The following ACSL3 variants were observed in gnomAD, a reference collection of about 807,000 sequenced individuals.
ACSL3 encodes the protein fatty acid CoA ligase Acsl3.
ACSL3 carries 34 observed loss-of-function variants against 84.7 expected under a neutral mutation model. The observed-to-expected ratio is 0.40, with a 90% CI of 0.31 to 0.53. The LOEUF (loss-of-function observed/expected upper bound fraction) is 0.53, where lower values mean the gene tolerates loss of function less well. Ranked by LOEUF, ACSL3 falls within the 20% of genes least tolerant of loss-of-function variation. The pLI is 0.48. For missense variants in ACSL3, 680 were observed against 873.1 expected (o/e 0.78, Z 2.79); for synonymous variants, 315 against 299.4 (o/e 1.05, Z -0.54).
intron 7 of ACSL3, chr2:222,920,991 G>A: frequency 3.8e-6 from 2 of 528,186 alleles, no homozygotes; most frequent in South Asian, 3.1e-5. Flanking sequence ...ACTCTACAGA[G>A]ACGGTCTCCA....
intron 13 of ACSL3, among the ~76,000 whole-genome samples, chr2:222,930,345 AT>A (rs147377843): frequency 0.023 from 3,473 of 152,276 alleles, 127 homozygotes; most frequent in African/African-American, 0.076. Flanking sequence ...TGTCTCTTGT[AT>A]TTATAATTTT....
At chr2:222,930,081 A>G (rs1232714237) in intron 13 of ACSL3, among the ~76,000 whole-genome samples, 1 of 151,694 alleles carries the variant, frequency 6.6e-6, no homozygotes, top group Non-Finnish European at 1.5e-5. Flanking sequence ...GGTGTGCGCC[A>G]CCATGCCCGA....
chr2:222,885,377 G>T (rs1384219459), intron 1 of ACSL3, among the ~76,000 whole-genome samples: 1 of 151,908 alleles, frequency 6.6e-6, no homozygotes, highest in African/African-American at 2.4e-5. Flanking sequence ...GCCAACACTT[G>T]TGAATTTTTT....
At chr2:222,866,847 T>A (rs1040758720) in intron 1 of ACSL3, among the ~76,000 whole-genome samples, 2 of 134,016 alleles carry the variant, frequency 1.5e-5, no homozygotes, top group African/African-American at 2.7e-5. Context: ...TTTCTTTTTT[T>A]TTTTTGAGAC....
intron 3 of ACSL3, 42 bp from the exon 4 acceptor site, chr2:222,908,690 TA>T: frequency 1.5e-6 from 2 of 1,340,222 alleles, no homozygotes; most frequent in Non-Finnish European, 2.0e-6. Flanking sequence ...TAAATTATTT[TA>T]AAATGATTTT....
At chr2:222,917,534 T>C (rs1696616734) in intron 5 of ACSL3, 1 of 152,272 alleles carries the variant, frequency 6.6e-6, no homozygotes, top group Admixed American at 6.5e-5. Context: ...TAAATAAAAA[T>C]CTACACTATT....
intron 16 of ACSL3, among the ~76,000 whole-genome samples, chr2:222,937,017 T>C (rs1697189892): frequency 6.6e-6 from 1 of 152,154 alleles, no homozygotes; most frequent in Admixed American, 6.5e-5. Flanking sequence ...TTATGGGGAA[T>C]ATAATTTGAG....
intron 1 of ACSL3, among the ~76,000 whole-genome samples, chr2:222,862,141 A>T (rs184037630): frequency 2.0e-5 from 3 of 152,230 alleles, no homozygotes; most frequent in African/African-American, 7.2e-5. Flanking sequence ...AGAATGACAA[A>T]TAGCTGACAT....
chr2:222,924,863 A>G (rs981229623), intron 11 of ACSL3, among the ~76,000 whole-genome samples: 5 of 151,932 alleles, frequency 3.3e-5, no homozygotes, highest in Non-Finnish European at 7.4e-5. Context: ...CTCTACTAAA[A>G]ACACAAAAAG....
Position 222,942,426 on chromosome 2 carries a change from C to T in ACSL3, c.*772C>T. 1 of 193,302 alleles carries T rather than the reference C, an allele frequency of 5.2e-6. No homozygotes were observed. Among genetic ancestry groups the T allele is most frequent in the Non-Finnish European group, 1.1e-5 (1 of 92,604 alleles). 12.0% of individuals were successfully genotyped at this position (193,302 alleles called of 1,614,324 possible). A position where few individuals can be genotyped will look rare whatever the true frequency, so the allele number is the denominator to read the frequency against. The stretch of plus-strand genomic sequence containing the variant: ...TTACTGTCAAAATGTTCAATGAAGT[C>T]TTCTGTTCATCTGTTGAAACTAGGA... On this transcript the variant is annotated 3_prime_UTR_variant, in exon 17 of 17. Transcript: ENST00000357430.
intron 1 of ACSL3, among the ~76,000 whole-genome samples, chr2:222,882,403 C>T (rs2106094867): frequency 6.6e-6 from 1 of 152,268 alleles, no homozygotes; most frequent in Admixed American, 6.5e-5. Flanking sequence ...TAACAGCGAT[C>T]TCCAAGCTTT....
chr2:222,931,362 G>A (rs186928022), intron 14 of ACSL3, among the ~76,000 whole-genome samples: 76 of 151,548 alleles, frequency 5.0e-4, no homozygotes, highest in Non-Finnish European at 6.5e-4. Context: ...TGCAGCAAGC[G>A]GAGATCGCGA....
chr2:222,891,610 G>A (rs760649025), intron 2 of ACSL3, among the ~76,000 whole-genome samples: 9 of 152,044 alleles, frequency 5.9e-5, no homozygotes, highest in Non-Finnish European at 1.2e-4. Flanking sequence ...TATAGTTTAG[G>A]GAGAGTACTC....
Position 222,941,726 on chromosome 2 carries a change from C to T in ACSL3, c.*72C>T. On this transcript the variant is annotated 3_prime_UTR_variant, in exon 17 of 17. Transcript: ENST00000357430. ...AGGAAAATACTTGAAATGCATGTCT[C>T]AAGCTGCAAGGCAAACTCCATTCCT... The T allele has an allele frequency of 1.4e-6, 2 of 1,469,864 alleles. No individual in the cohort carries two copies. Among genetic ancestry groups the T allele is most frequent in the Non-Finnish European group, 9.1e-7 (1 of 1,095,932 alleles). 91.1% of individuals were successfully genotyped at this position (1,469,864 alleles called of 1,614,324 possible).
At chr2:222,936,755 C>A (rs1285196916) in intron 16 of ACSL3, among the ~76,000 whole-genome samples, 1 of 152,096 alleles carries the variant, frequency 6.6e-6, no homozygotes, top group Non-Finnish European at 1.5e-5. Context: ...CACAGTTCTG[C>A]ATGGCTCGGG....
In ACSL3 at chr2:222,927,106, G is replaced by T. The variant is rs1225801240; in HGVS notation, c.1382G>T (p.Arg461Leu). The T allele has an allele frequency of 6.2e-7, 1 of 1,614,076 alleles. No individual in the cohort carries two copies. The highest frequency in any genetic ancestry group is 8.5e-7 in the Non-Finnish European group (1 of 1,179,984). Reference protein sequence around the residue: ...GGAPLSATTQRFMNICFCCPV... With the variant: ...GGAPLSATTQLFMNICFCCPV... The stretch of plus-strand genomic sequence containing the variant: ...GCTCCACTTTCTGCAACCACGCAGC[G>T]ATTCATGAACATCTGTTTCTGCTGT... Residue 461 changes from arginine (R) to leucine (L), a missense_variant, in exon 12 of 17, where the codon CGA becomes CTA. Transcript: ENST00000357430.
At chr2:222,887,709 C>G (rs1475733597) in intron 1 of ACSL3, 121 bp from the exon 2 acceptor site, 2 of 152,146 alleles carry the variant, frequency 1.3e-5, no homozygotes, top group African/African-American at 4.8e-5. Flanking sequence ...CAGAAAAACT[C>G]ACCGGAAACT....
intron 9 of ACSL3, 32 bp from the exon 10 acceptor site, chr2:222,923,046 C>T (rs1559298811): frequency 1.9e-6 from 3 of 1,555,924 alleles, no homozygotes; most frequent in Non-Finnish European, 2.7e-6. Flanking sequence ...ATAAGGATCA[C>T]TTTATATGGA....
At chr2:222,911,082 T>TC (rs2106119720) in intron 4 of ACSL3, among the ~76,000 whole-genome samples, 1 of 148,938 alleles carries the variant, frequency 6.7e-6, no homozygotes, top group East Asian at 2.0e-4. Flanking sequence ...GGAGTTTCAC[T>TC]CTTGTTGCCC....
Sources: gnomAD v4.1 joint callset for allele counts (sites outside exome capture counted in the v4.1 genomes callset) on GRCh38, gnomAD v4.1.1 for gene constraint, MANE v1.5 for transcripts, NCBI Gene and HGNC (gene_info 2026-07-23, HGNC 2026-07-21) for gene names.